The following CAND1 variants were observed in gnomAD, a reference collection of about 807,000 sequenced individuals.
CAND1 encodes the protein cullin associated and neddylation dissociated 1, also known as cullin-associated NEDD8-dissociated protein 1.
CAND1 carries 7 observed loss-of-function variants against 108.5 expected under a neutral mutation model. The ratio of observed to expected loss-of-function variants is 0.06; its 90% CI spans 0.04 to 0.12. CAND1 has a LOEUF of 0.12. Among genes scored for constraint, CAND1 ranks in the 10% least tolerant of loss-of-function variants. The pLI is 1.00. For missense variants in CAND1, 941 were observed against 1,448.7 expected (o/e 0.65, Z 5.69); for synonymous variants, 534 against 512.0 (o/e 1.04, Z -0.58).
chr12:67,271,808 CATT>C (rs996256926), intron 1 of CAND1, among the ~76,000 whole-genome samples: 1 of 152,116 alleles, frequency 6.6e-6, no homozygotes, highest in Non-Finnish European at 1.5e-5. Context: ...AATTTGGCAT[CATT>C]AAGATATTTT....
intron 1 of CAND1, among the ~76,000 whole-genome samples, chr12:67,280,681 T>C: frequency 6.6e-6 from 1 of 152,226 alleles, no homozygotes; most frequent in East Asian, 1.9e-4. Context: ...AGAAATCACT[T>C]TTAAAACAAT....
At chr12:67,302,912 A>G (rs2044840160) in intron 8 of CAND1, among the ~76,000 whole-genome samples, 2 of 152,228 alleles carry the variant, frequency 1.3e-5, no homozygotes, top group South Asian at 2.1e-4. Context: ...TTGCGATCAC[A>G]TAACTGACTT....
intron 2 of CAND1, among the ~76,000 whole-genome samples, chr12:67,291,878 GATTA>G (rs901568057): frequency 1.3e-5 from 2 of 152,008 alleles, no homozygotes; most frequent in African/African-American, 4.8e-5. Flanking sequence ...TTGATTGATT[GATTA>G]ATTGAGACAG....
chr12:67,311,386 A>AT (rs1161000906), intron 13 of CAND1: 1 of 152,086 alleles, frequency 6.6e-6, no homozygotes, highest in Non-Finnish European at 1.5e-5. Context: ...AAAAATAAAA[A>AT]TAAAAAAAAT....
At chr12:67,292,459 C>T (rs1476127752) in intron 2 of CAND1, among the ~76,000 whole-genome samples, 163 bp from the exon 3 acceptor site, 2 of 152,162 alleles carry the variant, frequency 1.3e-5, no homozygotes, top group African/African-American at 4.8e-5. Flanking sequence ...AAATCTTAAC[C>T]AATCACAATT....
intron 2 of CAND1, among the ~76,000 whole-genome samples, chr12:67,282,988 A>G (rs1390743205): frequency 6.6e-6 from 1 of 152,192 alleles, no homozygotes; most frequent in African/African-American, 2.4e-5. Context: ...TAGTTTATGA[A>G]TGTCAACTTT....
At chr12:67,272,243 A>G (rs938699615) in intron 1 of CAND1, among the ~76,000 whole-genome samples, 1 of 152,266 alleles carries the variant, frequency 6.6e-6, no homozygotes, top group African/African-American at 2.4e-5. Context: ...TCCTCATGGT[A>G]GAATCCAAAG....
rs17781705 is a variant in CAND1 at position 67,314,889 on chromosome 12, A to T, written c.*2059A>T. On this transcript the variant is annotated 3_prime_UTR_variant, in exon 15 of 15. Coordinates refer to ENST00000545606, the MANE Select transcript of CAND1 (RefSeq NM_018448.5). ...ATACATTAACAAAATTAGTAACAGC[A>T]GTGCTTAGAATTTCAATGCTGTGTC... The T allele has an allele frequency of 2.6e-5, 4 of 152,166 alleles. No individual in the cohort carries two copies. The highest frequency in any genetic ancestry group is 5.9e-5 in the Non-Finnish European group (4 of 68,022). The allele number at this position is 152,166 out of a possible 1,614,324, so 9.4% of individuals were successfully genotyped here. A position where few individuals can be genotyped will look rare whatever the true frequency, so the allele number is the denominator to read the frequency against.
chr12:67,269,838 C>T (rs957575388), intron 1 of CAND1, 53 bp downstream of exon 1: 8 of 1,515,434 alleles, frequency 5.3e-6, no homozygotes, highest in Non-Finnish European at 7.2e-6. Flanking sequence ...CAGCCGCGGC[C>T]CTGGCCGTCA....
chr12:67,316,850 GT>G lies in CAND1; in HGVS notation c.*4021del, dbSNP rs960169880. ...AGTCTAGAATGCTCTCAAAAAAATA[GT>G]AAAGAATTGTACTTCAGGGCCAGAT... is the stretch of plus-strand genomic sequence containing the variant. On this transcript the variant is annotated 3_prime_UTR_variant, in exon 15 of 15. Transcript: ENST00000545606. The G allele has an allele frequency of 1.3e-5, 2 of 152,124 alleles. No individual in the cohort carries two copies. Among genetic ancestry groups the G allele is most frequent in the Non-Finnish European group, 2.9e-5 (2 of 68,016 alleles). 9.4% of individuals were successfully genotyped at this position (152,124 alleles called of 1,614,324 possible).
chr12:67,281,873 A>G (rs1227572679), intron 1 of CAND1, 37 bp from the exon 2 acceptor site: 1 of 1,458,928 alleles, frequency 6.9e-7, no homozygotes, highest in East Asian at 2.5e-5. Context: ...TTAATGCTTT[A>G]AAATTTTCAA....
chr12:67,302,807 A>G (rs1400768725), intron 8 of CAND1, among the ~76,000 whole-genome samples, 192 bp downstream of exon 8: 1 of 152,140 alleles, frequency 6.6e-6, no homozygotes, highest in East Asian at 1.9e-4. Flanking sequence ...TTGGCTTTAC[A>G]TGATAAACAA....
chr12:67,306,005 G>A lies in CAND1; in HGVS notation c.2337G>A (p.Leu779=), dbSNP rs1346063319. ...GATACATGGATTTGTTGCGCATGCT[G>A]ACTGGTCCAGTTTACTCTCAGAGCA... ...NLGYMDLLRM[L]TGPVYSQSTA... The change falls in exon 10 of 15, where the codon CTG becomes CTA. Residue 779 remains leucine (L), a synonymous_variant. Transcript: ENST00000545606. The A allele has an allele frequency of 6.2e-7, 1 of 1,614,136 alleles. No homozygotes were observed. Among genetic ancestry groups the A allele is most frequent in the African/African-American group, 1.3e-5 (1 of 75,042 alleles).
chr12:67,299,621 T>A (rs2044805172), intron 7 of CAND1, among the ~76,000 whole-genome samples: 1 of 152,170 alleles, frequency 6.6e-6, no homozygotes, highest in Admixed American at 6.5e-5. Context: ...AAATTCTAAA[T>A]ACTGTTCGAG....
chr12:67,311,887 CTA>C, intron 14 of CAND1, 87 bp downstream of exon 14: 1 of 777,230 alleles, frequency 1.3e-6, no homozygotes, highest in Non-Finnish European at 2.3e-6. Context: ...CCAAATATAA[CTA>C]TTCCAGTGCT....
In CAND1 at chr12:67,312,997, G is replaced by A; in HGVS notation, c.*167G>A. The A allele has an allele frequency of 1.9e-6, 1 of 532,458 alleles. No homozygotes were observed. The highest frequency in any genetic ancestry group is 3.3e-6 in the Non-Finnish European group (1 of 302,686). The allele number at this position is 532,458 out of a possible 1,614,324, so 33.0% of individuals were successfully genotyped here. On this transcript the variant is annotated 3_prime_UTR_variant, in exon 15 of 15. Transcript: ENST00000545606. ...GCTTTCTTCCATTGTTGTTTTTGTA[G>A]CATTTATTTCAGAAATGTGTATTTC...
chr12:67,308,106 C>T (rs2044907912), intron 11 of CAND1, among the ~76,000 whole-genome samples: 1 of 151,778 alleles, frequency 6.6e-6, no homozygotes, highest in African/African-American at 2.4e-5. Context: ...ATTGGTTTTC[C>T]TAGAGTTTGA....
In CAND1 at chr12:67,305,985, A is replaced by G. The variant is rs2044879525; in HGVS notation, c.2317A>G (p.Met773Val). The G allele has an allele frequency of 1.2e-6, 2 of 1,614,036 alleles. No homozygotes were observed. The highest frequency in any genetic ancestry group is 1.3e-5 in the African/African-American group (1 of 74,922). The change falls in exon 10 of 15, where the codon ATG becomes GTG. Residue 773 changes from methionine to valine, a missense_variant. This residue lies in a region of CAND1 where 697 missense variants were observed against 942.0 expected (regional missense o/e 0.74). Coordinates refer to ENST00000545606, the MANE Select transcript of CAND1 (RefSeq NM_018448.5). This position sits in a 1 kb window ranked among gnomAD's most constrained non-coding sequence, Gnocchi z 4.4. Reference protein sequence around the residue: ...VVTGTNNLGYMDLLRMLTGPV... With the variant: ...VVTGTNNLGYVDLLRMLTGPV... ...CACTGGAACAAATAATTTAGGATACATGGATTTGTTGCGCATGCTGACTGG... is the reference window on the plus strand; with the variant it reads ...CACTGGAACAAATAATTTAGGATACGTGGATTTGTTGCGCATGCTGACTGG...
At position 67,306,249 on chromosome 12, in the gene CAND1, A is replaced by C; in HGVS notation, c.2581A>C (p.Ile861Leu). 1 of 1,614,122 alleles carries C rather than the reference A, an allele frequency of 6.2e-7. No individual in the cohort carries two copies. Among genetic ancestry groups the C allele is most frequent in the Non-Finnish European group, 8.5e-7 (1 of 1,179,964 alleles). ...LSGQLELKSVILEAFSSPSEE... is the reference protein window; with the variant it reads ...LSGQLELKSVLLEAFSSPSEE... ...TGGACAGTTGGAACTAAAATCTGTA[A>C]TACTAGAAGCTTTCTCATCTCCTAG... The change falls in exon 10 of 15, where the codon ATA (isoleucine) becomes CTA (leucine). Residue 861 changes from isoleucine (I) to leucine (L), a missense_variant. Coordinates refer to ENST00000545606, the MANE Select transcript of CAND1 (RefSeq NM_018448.5).
Sources: gnomAD v4.1 joint callset for allele counts (sites outside exome capture counted in the v4.1 genomes callset) on GRCh38, gnomAD v4.1.1 for gene constraint, gnomAD v4.1.1 regional missense constraint, Gnocchi (gnomAD v3.1) non-coding constraint, MANE v1.5 for transcripts, NCBI Gene and HGNC (gene_info 2026-07-23, HGNC 2026-07-21) for gene names.